DCDC1: variants seen among roughly 807,000 people sequenced by gnomAD.
DCDC1 encodes the protein doublecortin domain-containing protein 1.
DCDC1 carries 200 observed loss-of-function variants against 178.3 expected under a neutral mutation model. The observed-to-expected ratio is 1.12, with a 90% CI of 1.00 to 1.26. The LOEUF is 1.26. Ranked by LOEUF, DCDC1 falls within the 50% of genes most tolerant of loss-of-function variation. DCDC1 has a pLI of 0.00. For missense variants in DCDC1, 1,983 were observed against 1,749.2 expected, an observed-to-expected ratio of 1.13 and a Z score of -2.38; for synonymous variants, 690 against 604.8, an observed-to-expected ratio of 1.14 and a Z score of -2.07.
intron 16 of DCDC1, 95 bp from the exon 17 acceptor site, chr11:31,091,606 G>A: frequency 1.6e-6 from 1 of 641,768 alleles, no homozygotes; most frequent in Non-Finnish European, 2.8e-6. Flanking sequence ...CATTATGCCT[G>A]GATAACCCTG....
intron 20 of DCDC1, among the ~76,000 whole-genome samples, chr11:31,041,568 G>T (rs1954451471): frequency 6.6e-6 from 1 of 152,182 alleles, no homozygotes; most frequent in Non-Finnish European, 1.5e-5. Context: ...CATACAGCTA[G>T]TAAGAATTCG....
intron 1 of DCDC1, among the ~76,000 whole-genome samples, chr11:31,364,422 T>TAGA (rs1564935472): frequency 6.6e-6 from 1 of 152,072 alleles, no homozygotes; most frequent in Non-Finnish European, 1.5e-5. Flanking sequence ...TAAAGATAAA[T>TAGA]AGAAGATGGA....
chr11:31,173,370 A>C (rs1001448549), intron 9 of DCDC1, among the ~76,000 whole-genome samples: 1 of 152,224 alleles, frequency 6.6e-6, no homozygotes, highest in Non-Finnish European at 1.5e-5. Flanking sequence ...TCACATTTTA[A>C]GATGAAAATA....
At chr11:31,218,997 G>A (rs114056018) in intron 9 of DCDC1, among the ~76,000 whole-genome samples, 150 of 152,242 alleles carry the variant, frequency 9.9e-4, no homozygotes, top group African/African-American at 3.5e-3. Context: ...CAGTGAAGGA[G>A]TGATCATAGC....
At chr11:30,912,594 A>T (rs1028316103) in intron 27 of DCDC1, among the ~76,000 whole-genome samples, 25 of 152,090 alleles carry the variant, frequency 1.6e-4, no homozygotes, top group Admixed American at 3.9e-4. Context: ...TGTTTCAGTT[A>T]TTCTGTTATA....
At chr11:31,263,155 A>G (rs1944907602) in intron 8 of DCDC1, 3 of 1,407,466 alleles carry the variant, frequency 2.1e-6, no homozygotes, top group Admixed American at 3.7e-5. Flanking sequence ...CATCTTAACG[A>G]AGATCCCTTA....
chr11:31,088,568 T>C (rs1398056946), intron 17 of DCDC1, among the ~76,000 whole-genome samples: 1 of 152,218 alleles, frequency 6.6e-6, no homozygotes, highest in Non-Finnish European at 1.5e-5. Context: ...AAAATCTTTC[T>C]TCCATTTCTC....
chr11:30,889,376 T>C lies in DCDC1; in HGVS notation c.5082+3442A>G, dbSNP rs577423613. ...GAAAGCAGTTGAGAGAAAGTCCACA[T>C]TGGATGGGATTCAAATACCATCTGG... is the stretch of plus-strand genomic sequence containing the variant. On this transcript the variant is annotated intron_variant, in intron 36 of 38. Transcript: ENST00000684477. Among the ~76,000 whole-genome samples the C allele has an allele frequency of 3.3e-5, 5 of 152,304 alleles. No individual in the cohort carries two copies. In the East Asian group the frequency reaches 7.7e-4, roughly 24 times the overall value.
intron 9 of DCDC1, among the ~76,000 whole-genome samples, chr11:31,173,773 CCCA>C (rs1967586079): frequency 7.0e-6 from 1 of 143,006 alleles, no homozygotes; most frequent in African/African-American, 2.5e-5. Flanking sequence ...CACACACACC[CCCA>C]CATCTTTTTA....
chr11:31,153,754 G>C (rs938445904), intron 9 of DCDC1, among the ~76,000 whole-genome samples: 26 of 146,206 alleles, frequency 1.8e-4, no homozygotes, highest in African/African-American at 6.4e-4. Context: ...CAGCACTCCA[G>C]CCTGGGCGAT....
intron 9 of DCDC1, among the ~76,000 whole-genome samples, chr11:31,213,903 T>C (rs1011108252): frequency 1.3e-5 from 2 of 152,040 alleles, no homozygotes; most frequent in African/African-American, 2.4e-5. Context: ...GTTGAGTGTG[T>C]ACACATGTAC....
intron 8 of DCDC1, among the ~76,000 whole-genome samples, chr11:31,265,013 T>C (rs1945052851): frequency 6.6e-6 from 1 of 152,164 alleles, no homozygotes; most frequent in South Asian, 2.1e-4. Context: ...AGCATACTGC[T>C]GATATACACA....
At chr11:31,033,615 G>T (rs1953817733) in intron 20 of DCDC1, among the ~76,000 whole-genome samples, 1 of 152,012 alleles carries the variant, frequency 6.6e-6, no homozygotes, top group Admixed American at 6.6e-5. Context: ...TTATTTGAAG[G>T]TTTCAAATAT....
At chr11:30,917,797 T>C (rs1945957020) in intron 25 of DCDC1, among the ~76,000 whole-genome samples, 1 of 152,240 alleles carries the variant, frequency 6.6e-6, no homozygotes. Context: ...TAAGTATGCG[T>C]ACCTGTAAAT....
intron 1 of DCDC1, among the ~76,000 whole-genome samples, chr11:31,348,937 C>T (rs933762906): frequency 4.6e-5 from 7 of 152,112 alleles, no homozygotes; most frequent in African/African-American, 1.7e-4. Flanking sequence ...ATATAGTTTA[C>T]TGTGGAATAG....
chr11:31,166,862 C>T (rs754606334), intron 9 of DCDC1, among the ~76,000 whole-genome samples: 39 of 152,066 alleles, frequency 2.6e-4, no homozygotes, highest in Non-Finnish European at 1.0e-4. Context: ...CTCCTTCTTA[C>T]TGCTTGGAAT....
intron 9 of DCDC1, among the ~76,000 whole-genome samples, chr11:31,216,888 C>T (rs1179425619): frequency 6.6e-6 from 1 of 152,158 alleles, no homozygotes; most frequent in Non-Finnish European, 1.5e-5. Context: ...GTCTACAAAG[C>T]ATAAATCAGT....
chr11:30,913,452 T>C (rs1392407452), intron 27 of DCDC1, among the ~76,000 whole-genome samples: 1 of 152,038 alleles, frequency 6.6e-6, no homozygotes, highest in Non-Finnish European at 1.5e-5. Context: ...TCTGTCTGGG[T>C]GTCCCTAGAG....
chr11:30,985,686 G>T (rs1033926770), intron 20 of DCDC1, among the ~76,000 whole-genome samples: 3 of 152,060 alleles, frequency 2.0e-5, no homozygotes, highest in African/African-American at 7.2e-5. Context: ...GGAAGGTGGG[G>T]CCCAGATAAT....
Sources: gnomAD v4.1 joint callset for allele counts (sites outside exome capture counted in the v4.1 genomes callset) on GRCh38, gnomAD v4.1.1 for gene constraint, MANE v1.5 for transcripts, NCBI Gene and HGNC (gene_info 2026-07-23, HGNC 2026-07-21) for gene names.